Variants in RASA2 observed in about 807,000 individuals in gnomAD.
RASA2 encodes ras GTPase-activating protein 2.
In RASA2, 155 loss-of-function variants were observed where a neutral mutation model predicts 118.2. The ratio of observed to expected loss-of-function variants is 1.31; its 90% CI spans 1.15 to 1.50. RASA2 has a LOEUF of 1.50. Ranked by LOEUF, RASA2 falls within the 40% of genes most tolerant of loss-of-function variation. RASA2 has a pLI of 0.00. For missense variants in RASA2, 1,016 were observed against 1,009.6 expected (o/e 1.01, Z -0.09); for synonymous variants, 353 against 349.1 (o/e 1.01, Z -0.12).
chr3:141,525,769 T>A (rs972240801), intron 3 of RASA2: 1 of 151,402 alleles, frequency 6.6e-6, no homozygotes, highest in African/African-American at 2.4e-5. Context: ...ATCATGCCAC[T>A]ACACTCCATC....
At chr3:141,561,445 C>T (rs1159024868) in intron 9 of RASA2, among the ~76,000 whole-genome samples, 1 of 151,892 alleles carries the variant, frequency 6.6e-6, no homozygotes, top group African/African-American at 2.4e-5. Context: ...TGTTTTTGGC[C>T]CATGATATTT....
intron 2 of RASA2, among the ~76,000 whole-genome samples, chr3:141,516,079 A>G (rs113989045): frequency 6.7e-6 from 1 of 148,320 alleles, no homozygotes; most frequent in Non-Finnish European, 1.5e-5. Context: ...GAGGGATAGC[A>G]TTAGGAGATA....
At chr3:141,585,630 C>G (rs1187628613) in intron 17 of RASA2, among the ~76,000 whole-genome samples, 1 of 152,060 alleles carries the variant, frequency 6.6e-6, no homozygotes, top group East Asian at 1.9e-4. Flanking sequence ...GTAACCCTGT[C>G]TCTACTAAAA....
chr3:141,497,320 A>C, intron 1 of RASA2, among the ~76,000 whole-genome samples: 1 of 136,956 alleles, frequency 7.3e-6, no homozygotes, highest in Admixed American at 6.9e-5. Flanking sequence ...GTAAAGTATA[A>C]TAAAAAAAAA....
Position 141,580,584 on chromosome 3 carries a change from A to ACACAC in RASA2, c.1674+133_1674+134insCACAC. 14 of 601,966 alleles carry ACACAC rather than the reference A, an allele frequency of 2.3e-5. No individual in the cohort carries two copies. The South Asian group carries it at 4.1e-4, about 18-fold the overall frequency. 37.3% of individuals were successfully genotyped at this position (601,966 alleles called of 1,614,324 possible). A position where few individuals can be genotyped will look rare whatever the true frequency, so the allele number is the denominator to read the frequency against. ...CACACACACACACACACACAGACAC[A>ACACAC]ATAGCTGTCTTTTAAGTAGATACTC... On this transcript the variant is annotated intron_variant, in intron 16 of 23. Coordinates refer to ENST00000286364, the MANE Select transcript of RASA2 (RefSeq NM_006506.5).
chr3:141,553,492 A>G (rs1250839312), intron 5 of RASA2, among the ~76,000 whole-genome samples: 1 of 152,004 alleles, frequency 6.6e-6, no homozygotes, highest in Non-Finnish European at 1.5e-5. Context: ...CAAAAAGCCC[A>G]AATTTGAAAT....
chr3:141,529,730 A>C lies in RASA2; in HGVS notation c.378A>C (p.Glu126Asp), dbSNP rs144759014. 110 of 1,611,450 alleles carry C rather than the reference A, an allele frequency of 6.8e-5. No individual in the cohort carries two copies. In the African/African-American group the frequency reaches 1.2e-3, roughly 17 times the overall value. ...LRIGKVAIKK[E>D]DLCNHSGKET... ...TAGGAAAAGTAGCCATCAAAAAAGAAGACTTGTGTAATCACAGTGGCAAAG... is the reference window on the plus strand; with the variant it reads ...TAGGAAAAGTAGCCATCAAAAAAGACGACTTGTGTAATCACAGTGGCAAAG... The change falls in exon 4 of 24, where the codon GAA becomes GAC. Residue 126 changes from glutamate to aspartate, a missense_variant. Glu to Asp is a conservative substitution (Grantham distance 45, BLOSUM62 2). Transcript: ENST00000286364.
At chr3:141,543,368 T>A (rs55982349) in intron 5 of RASA2, among the ~76,000 whole-genome samples, 2,000 of 152,308 alleles carry the variant, frequency 0.013, 32 homozygotes, top group African/African-American at 0.046. Context: ...TCTTAAATAT[T>A]TTGTCTACAT....
chr3:141,573,806 A>G (rs943806607), intron 13 of RASA2, 138 bp from the exon 14 acceptor site: 2 of 624,372 alleles, frequency 3.2e-6, no homozygotes, highest in East Asian at 3.5e-5. Context: ...ATGAGTTTGG[A>G]AAAGGGTAAC....
At chr3:141,507,719 T>A (rs1279159720) in intron 1 of RASA2, among the ~76,000 whole-genome samples, 1 of 152,212 alleles carries the variant, frequency 6.6e-6, no homozygotes, top group Admixed American at 6.5e-5. Context: ...TACTAGGACT[T>A]CAACAAATAC....
intron 20 of RASA2, 106 bp from the exon 21 acceptor site, chr3:141,608,383 A>G (rs1577833932): frequency 2.8e-6 from 3 of 1,068,382 alleles, no homozygotes; most frequent in Non-Finnish European, 4.2e-6. Context: ...AGCACCAGTT[A>G]TCTAGCCAAG....
At chr3:141,519,603 C>T (rs191983540) in intron 3 of RASA2, among the ~76,000 whole-genome samples, 2 of 152,176 alleles carry the variant, frequency 1.3e-5, no homozygotes, top group East Asian at 1.9e-4. Context: ...ATTGCTTATT[C>T]GGTTTGCTGA....
intron 15 of RASA2, 34 bp from the exon 16 acceptor site, chr3:141,580,334 A>G: frequency 1.4e-6 from 2 of 1,472,378 alleles, no homozygotes; most frequent in Non-Finnish European, 1.9e-6. Flanking sequence ...TTTCTTGAAA[A>G]CTTAGTAGTT....
Position 141,524,600 on chromosome 3 carries a change from T to G in RASA2, c.356-5108T>G, listed in dbSNP as rs530565676. 2.0e-5 allele frequency among the ~76,000 whole-genome samples: 3 copies of G among 152,276 alleles called. No individual in the cohort carries two copies. In the South Asian group the frequency reaches 6.2e-4, roughly 32 times the overall value. ...TGTCACTGTTTTTGTTTGTTTGTTT[T>G]TTTGAGATGGAGTCTTGCTCTGTCG... On this transcript the variant is annotated intron_variant, in intron 3 of 23. Coordinates refer to ENST00000286364, the MANE Select transcript of RASA2 (RefSeq NM_006506.5).
At chr3:141,588,523 AAG>A (rs2107779120) in intron 19 of RASA2, among the ~76,000 whole-genome samples, 1 of 152,334 alleles carries the variant, frequency 6.6e-6, no homozygotes, top group Non-Finnish European at 1.5e-5. Flanking sequence ...AAGATCTGTT[AAG>A]AGAGCTTCTG....
chr3:141,580,080 AAAAAAATAT>A (rs2083081341), intron 15 of RASA2, among the ~76,000 whole-genome samples: 3 of 103,596 alleles, frequency 2.9e-5, no homozygotes, highest in African/African-American at 1.1e-4. Context: ...AAAAAAAAAA[AAAAAAATAT>A]ATATATATAT....
intron 1 of RASA2, among the ~76,000 whole-genome samples, chr3:141,503,989 A>G (rs2081825114): frequency 1.3e-5 from 2 of 152,222 alleles, no homozygotes; most frequent in African/African-American, 2.4e-5. Flanking sequence ...ATGGTTTGTG[A>G]TGTGGTATTG....
At chr3:141,557,197 A>G (rs1269738087) in intron 7 of RASA2, among the ~76,000 whole-genome samples, 4 of 152,212 alleles carry the variant, frequency 2.6e-5, no homozygotes, top group Admixed American at 2.0e-4. Flanking sequence ...AGGCCTTGCA[A>G]CATTCATTCA....
At chr3:141,591,840 C>T (rs934085716) in intron 19 of RASA2, among the ~76,000 whole-genome samples, 1 of 150,876 alleles carries the variant, frequency 6.6e-6, no homozygotes, top group Admixed American at 6.6e-5. Context: ...GAAGTTGACA[C>T]GGTTTTCACC....
Sources: gnomAD v4.1 joint callset for allele counts (sites outside exome capture counted in the v4.1 genomes callset) on GRCh38, gnomAD v4.1.1 for gene constraint, MANE v1.5 for transcripts, NCBI Gene and HGNC (gene_info 2026-07-23, HGNC 2026-07-21) for gene names.